The following GSE1 variants were observed in gnomAD, a reference collection of about 807,000 sequenced individuals.
The protein encoded by GSE1 is genetic suppressor element 1.
GSE1 carries 32 observed loss-of-function variants against 112.6 expected under a neutral mutation model. That is an observed-to-expected ratio of 0.28 (90% CI 0.21 to 0.38). GSE1 has a LOEUF of 0.38. Among genes scored for constraint, GSE1 ranks in the 10% least tolerant of loss-of-function variants. The probability of loss-of-function intolerance (pLI) is 1.00; values close to 1 mark genes in which losing one functional copy is unlikely to be tolerated. For missense variants in GSE1, 2,348 were observed against 1,699.2 expected, an observed-to-expected ratio of 1.38 and a Z score of -6.71; for synonymous variants, 1,115 against 735.6, an observed-to-expected ratio of 1.52 and a Z score of -8.35.
intron 1 of GSE1, among the ~76,000 whole-genome samples, chr16:85,284,283 C>A (rs2151428092): frequency 6.6e-6 from 1 of 152,336 alleles, no homozygotes; most frequent in Non-Finnish European, 1.5e-5. Context: ...AACATGACAG[C>A]AGAGAAGGAT....
chr16:85,666,838 G>C (rs139852502), intron 13 of GSE1, among the ~76,000 whole-genome samples: 1 of 152,350 alleles, frequency 6.6e-6, no homozygotes, highest in South Asian at 2.1e-4. Flanking sequence ...TGGGTTCCGC[G>C]TCTTTGGATT....
chr16:85,208,840 C>T (rs1428041283), intron 1 of GSE1, among the ~76,000 whole-genome samples: 9 of 78,664 alleles, frequency 1.1e-4, no homozygotes, highest in Non-Finnish European at 1.7e-4. Context: ...TCTGTGTTGG[C>T]GTTCGCCTGT....
chr16:85,383,697 G>T (rs1170804650), intron 2 of GSE1, among the ~76,000 whole-genome samples: 1 of 152,198 alleles, frequency 6.6e-6, no homozygotes, highest in African/African-American at 2.4e-5. Context: ...TCCACTTGGG[G>T]AGGGGAGCAG....
rs142041116 is a variant in GSE1, at chr16:85,651,156, C to G, written c.426+2405C>G. On this transcript the variant is annotated intron_variant, in intron 3 of 15. Transcript: ENST00000253458. ...CTGCTCAGAAATGAAAAGCTGCCCA[C>G]AGATGCGCCCTGATGCGTCTGTCTG... 6.0e-3 allele frequency among the ~76,000 whole-genome samples: 893 copies of G among 148,992 alleles called. 5 individuals carry two copies. The highest frequency in any genetic ancestry group is 0.017 in the South Asian group (79 of 4,690).
chr16:85,595,210 TC>T (rs1358514877), intron 1 of GSE1: 2 of 152,384 alleles, frequency 1.3e-5, no homozygotes, highest in African/African-American at 2.4e-5. Context: ...GGCCCCTGCA[TC>T]CCCTCCAGAC....
chr16:85,666,328 G>A lies in GSE1; in HGVS notation c.3111G>A (p.Lys1037=), dbSNP rs762768110. ...FHESVLQSTQ[K]ALQKHKGSVA... ...AGTCAGTGCTGCAGTCCACCCAGAA[G>A]GCCCTGCAGAAGCATAAAGGTAATG... The change falls in exon 13 of 16, where the codon AAG becomes AAA. Residue 1037 remains lysine (K), a synonymous_variant. Coordinates refer to ENST00000253458, the MANE Select transcript of GSE1 (RefSeq NM_014615.5). 1 of 1,613,772 alleles carries A rather than the reference G, an allele frequency of 6.2e-7. No homozygotes were observed. The highest frequency in any genetic ancestry group is 2.2e-5 in the East Asian group (1 of 44,886).
intron 2 of GSE1, among the ~76,000 whole-genome samples, chr16:85,635,858 C>T (rs1442588375): frequency 1.3e-5 from 2 of 152,208 alleles, no homozygotes; most frequent in Non-Finnish European, 2.9e-5. Flanking sequence ...TCCCTCCTCG[C>T]CAAGGAAGGT....
Position 85,673,856 on chromosome 16 carries a change from T to G in GSE1, c.*1317T>G, listed in dbSNP as rs1011438530. ...TTCTGTGATTGATATAATTCTAAGG[T>G]GTCTGAGAGCAGGTACAGAATAGGA... On this transcript the variant is annotated 3_prime_UTR_variant, in exon 16 of 16. Transcript: ENST00000253458. 2 of 152,212 alleles carry G rather than the reference T, an allele frequency of 1.3e-5. No individual in the cohort carries two copies. The highest frequency in any genetic ancestry group is 2.4e-5 in the African/African-American group (1 of 41,450). The allele number at this position is 152,212 out of a possible 1,614,324, so 9.4% of individuals were successfully genotyped here.
Position 85,518,076 on chromosome 16 carries a change from G to A in GSE1, c.2465-115838G>A, listed in dbSNP as rs115739753. Among the ~76,000 whole-genome samples the A allele has an allele frequency of 6.7e-3, 1,018 of 152,262 alleles. 10 individuals carry two copies. Among genetic ancestry groups the A allele is most frequent in the African/African-American group, 0.023 (965 of 41,556 alleles). On this transcript the variant is annotated intron_variant, in intron 2 of 2. Transcript: ENST00000637419. ...CCCGAGATGCCCTGACAGGCGCGTC[G>A]GCTGGAACTGGGCACAGCCGGCCAG...
chr16:85,199,769 C>T (rs2074994816), intron 1 of GSE1, among the ~76,000 whole-genome samples: 1 of 152,152 alleles, frequency 6.6e-6, no homozygotes, highest in Non-Finnish European at 1.5e-5. Flanking sequence ...CTCAGCCACA[C>T]AGCAGGGAAC....
chr16:85,193,641 G>A (rs2074870922), intron 1 of GSE1, among the ~76,000 whole-genome samples: 1 of 152,148 alleles, frequency 6.6e-6, no homozygotes, highest in Admixed American at 6.5e-5. Flanking sequence ...TGTATTTTTA[G>A]CAGAGACAGG....
At chr16:85,304,449 G>C (rs570034474) in intron 1 of GSE1, among the ~76,000 whole-genome samples, 3 of 152,232 alleles carry the variant, frequency 2.0e-5, no homozygotes, top group African/African-American at 7.2e-5. Context: ...GGTGAGGCAG[G>C]GTAGCCCGCC....
intron 1 of GSE1, among the ~76,000 whole-genome samples, chr16:85,236,970 G>C (rs1324549394): frequency 6.6e-6 from 1 of 152,204 alleles, no homozygotes; most frequent in Admixed American, 6.5e-5. Context: ...TATGACCACT[G>C]TCACCACCCC....
At chr16:85,488,194 C>A (rs982212873) in intron 2 of GSE1, among the ~76,000 whole-genome samples, 1 of 152,166 alleles carries the variant, frequency 6.6e-6, no homozygotes, top group African/African-American at 2.4e-5. Context: ...GGGACATGGG[C>A]CCTGCTGCCT....
intron 1 of GSE1, among the ~76,000 whole-genome samples, chr16:85,221,397 A>G (rs1388298493): frequency 6.6e-6 from 1 of 151,994 alleles, no homozygotes; most frequent in Non-Finnish European, 1.5e-5. Flanking sequence ...ATGCATACAC[A>G]CATACCACAT....
At chr16:85,251,941 G>C (rs1906530973) in intron 1 of GSE1, among the ~76,000 whole-genome samples, 1 of 152,214 alleles carries the variant, frequency 6.6e-6, no homozygotes, top group Admixed American at 6.5e-5. Flanking sequence ...CACCATGCCA[G>C]GCTGCCATGA....
At chr16:85,204,759 C>T (rs968002977) in intron 1 of GSE1, among the ~76,000 whole-genome samples, 1 of 152,234 alleles carries the variant, frequency 6.6e-6, no homozygotes, top group Non-Finnish European at 1.5e-5. Context: ...AAGCTGAGCT[C>T]ACAGGGTGGG....
intron 1 of GSE1, among the ~76,000 whole-genome samples, chr16:85,332,936 T>C (rs1417228688): frequency 1.3e-5 from 2 of 151,968 alleles, no homozygotes; most frequent in Admixed American, 6.5e-5. Context: ...GCCTTTGTGA[T>C]TGGTCTACAC....
At chr16:85,632,513 G>C (rs1023143469) in intron 1 of GSE1, among the ~76,000 whole-genome samples, 1 of 152,166 alleles carries the variant, frequency 6.6e-6, no homozygotes, top group African/African-American at 2.4e-5. Flanking sequence ...GGGATAGCAG[G>C]TGGACAAAGG....
Sources: allele counts gnomAD v4.1 joint callset (sites outside exome capture counted in the v4.1 genomes callset), GRCh38; gene constraint gnomAD v4.1.1; transcripts MANE v1.5; gene names NCBI Gene and HGNC (gene_info 2026-07-23, HGNC 2026-07-21).